LUZP2: variants seen among roughly 807,000 people sequenced by gnomAD.
The protein encoded by LUZP2 is leucine zipper protein 2.
LUZP2 carries 52 observed loss-of-function variants against 51.6 expected under a neutral mutation model. The observed-to-expected ratio is 1.01, with a 90% CI of 0.81 to 1.27. The LOEUF (loss-of-function observed/expected upper bound fraction) is 1.27, where lower values mean the gene tolerates loss of function less well. LUZP2 is among the 50% of genes most tolerant of loss of function. The pLI is 0.00. For synonymous variants in LUZP2, 154 were observed against 137.3 expected, an observed-to-expected ratio of 1.12 and a Z score of -0.85; for missense variants, 436 against 395.4, an observed-to-expected ratio of 1.10 and a Z score of -0.87.
chr11:25,074,917 A>C (rs539782352), intron 10 of LUZP2, among the ~76,000 whole-genome samples: 1 of 152,254 alleles, frequency 6.6e-6, no homozygotes, highest in East Asian at 1.9e-4. Flanking sequence ...GTTGAAATCA[A>C]TTTTTCCCTA....
chr11:25,038,347 G>A (rs1857929965), intron 9 of LUZP2, among the ~76,000 whole-genome samples: 1 of 152,062 alleles, frequency 6.6e-6, no homozygotes, highest in Non-Finnish European at 1.5e-5. Flanking sequence ...AGGCATACCT[G>A]CTACCACAAA....
intron 1 of LUZP2, among the ~76,000 whole-genome samples, chr11:24,728,968 C>T (rs1250626720): frequency 6.6e-6 from 1 of 151,904 alleles, no homozygotes; most frequent in Non-Finnish European, 1.5e-5. Flanking sequence ...GTATAGCTAG[C>T]CCTCACTGGG....
chr11:24,676,150 C>T (rs1263461344), intron 1 of LUZP2, among the ~76,000 whole-genome samples: 1 of 152,032 alleles, frequency 6.6e-6, no homozygotes, highest in African/African-American at 2.4e-5. Context: ...AAAATCAACA[C>T]AATGCTAATG....
At chr11:24,905,864 TC>T (rs1454813074) in intron 5 of LUZP2, 126 bp from the exon 6 acceptor site, 2 of 578,142 alleles carry the variant, frequency 3.5e-6, no homozygotes, top group Non-Finnish European at 6.1e-6. Flanking sequence ...TTTACACCAA[TC>T]CATTACATTT....
chr11:24,639,577 G>A (rs1855214294), intron 1 of LUZP2, among the ~76,000 whole-genome samples: 1 of 151,554 alleles, frequency 6.6e-6, no homozygotes, highest in African/African-American at 2.4e-5. Flanking sequence ...GCAGCCTCCT[G>A]AGTAGATGGA....
chr11:24,902,758 A>T (rs1263397021), intron 5 of LUZP2, among the ~76,000 whole-genome samples: 1 of 152,202 alleles, frequency 6.6e-6, no homozygotes, highest in Non-Finnish European at 1.5e-5. Flanking sequence ...CAGAAAAAAT[A>T]TAAAATAATA....
At chr11:24,700,151 T>G (rs1857381668) in intron 1 of LUZP2, among the ~76,000 whole-genome samples, 1 of 141,296 alleles carries the variant, frequency 7.1e-6, no homozygotes, top group Admixed American at 7.8e-5. Flanking sequence ...AACCTCTGCC[T>G]CCCAGATTCA....
At chr11:24,627,779 A>G (rs1565038994) in intron 1 of LUZP2, among the ~76,000 whole-genome samples, 1 of 152,180 alleles carries the variant, frequency 6.6e-6, no homozygotes, top group Non-Finnish European at 1.5e-5. Context: ...TTACAAGGTC[A>G]TGCCACATAT....
intron 10 of LUZP2, among the ~76,000 whole-genome samples, chr11:25,069,983 G>T (rs1001363905): frequency 1.3e-4 from 19 of 151,832 alleles, no homozygotes; most frequent in Non-Finnish European, 2.4e-4. Flanking sequence ...AGCATTAACA[G>T]TTCTATTGTT....
chr11:24,542,237 C>G (rs978820443), intron 1 of LUZP2, among the ~76,000 whole-genome samples: 8 of 151,982 alleles, frequency 5.3e-5, no homozygotes, highest in Non-Finnish European at 7.4e-5. Context: ...CCTCACCCCC[C>G]CATACACAAA....
intron 1 of LUZP2, among the ~76,000 whole-genome samples, chr11:24,628,000 G>C (rs1854742726): frequency 6.6e-6 from 1 of 152,118 alleles, no homozygotes; most frequent in Non-Finnish European, 1.5e-5. Context: ...AATATTTACT[G>C]TCTGGGGCAT....
intron 1 of LUZP2, among the ~76,000 whole-genome samples, chr11:24,599,486 T>C (rs751041844): frequency 1.3e-5 from 2 of 152,192 alleles, no homozygotes; most frequent in Non-Finnish European, 2.9e-5. Flanking sequence ...ACAACCCTTG[T>C]ATGTATCCTC....
At chr11:24,968,679 C>G (rs1855658500) in intron 7 of LUZP2, among the ~76,000 whole-genome samples, 1 of 152,148 alleles carries the variant, frequency 6.6e-6, no homozygotes, top group South Asian at 2.1e-4. Flanking sequence ...TTTTTGGGAG[C>G]CCCACCCCTG....
At chr11:24,911,565 C>T (rs781262329) in intron 6 of LUZP2, among the ~76,000 whole-genome samples, 1 of 152,038 alleles carries the variant, frequency 6.6e-6, no homozygotes, top group Non-Finnish European at 1.5e-5. Flanking sequence ...CTTCTGCCAC[C>T]CTGTGAAGAG....
At chr11:25,052,370 A>G (rs1477851067) in intron 10 of LUZP2, among the ~76,000 whole-genome samples, 1 of 152,200 alleles carries the variant, frequency 6.6e-6, no homozygotes, top group Non-Finnish European at 1.5e-5. Flanking sequence ...CCCACAACCC[A>G]TTGCAGAAAA....
At chr11:24,997,286 T>A (rs1475676077) in intron 9 of LUZP2, among the ~76,000 whole-genome samples, 1 of 152,142 alleles carries the variant, frequency 6.6e-6, no homozygotes, top group South Asian at 2.1e-4. Context: ...ACTTGTTGTT[T>A]CCTGACTTTT....
At chr11:24,890,556 C>T (rs1278500579) in intron 5 of LUZP2, among the ~76,000 whole-genome samples, 1 of 152,010 alleles carries the variant, frequency 6.6e-6, no homozygotes, top group Non-Finnish European at 1.5e-5. Context: ...AATTTTGCGG[C>T]TGTGAAAGCT....
intron 1 of LUZP2, among the ~76,000 whole-genome samples, chr11:24,712,969 T>G (rs1475127712): frequency 6.6e-6 from 1 of 152,192 alleles, no homozygotes; most frequent in Non-Finnish European, 1.5e-5. Context: ...TGCCACAATC[T>G]TTGACTACGT....
At chr11:24,896,916 G>T (rs1278004533) in intron 5 of LUZP2, among the ~76,000 whole-genome samples, 1 of 152,122 alleles carries the variant, frequency 6.6e-6, no homozygotes, top group Non-Finnish European at 1.5e-5. Context: ...TTTATGTCTC[G>T]CTAAAGGATT....
Sources: gnomAD v4.1 joint callset for allele counts (sites outside exome capture counted in the v4.1 genomes callset) on GRCh38, gnomAD v4.1.1 for gene constraint, MANE v1.5 for transcripts, NCBI Gene and HGNC (gene_info 2026-07-23, HGNC 2026-07-21) for gene names.